The following RAB38 variants were observed in gnomAD, a reference collection of about 807,000 sequenced individuals.
The protein encoded by RAB38 is ras-related protein Rab-38.
Under a neutral mutation model 18.4 loss-of-function variants are expected in RAB38, and 15 were observed. That is an observed-to-expected ratio of 0.82 (90% confidence interval 0.55 to 1.26). The LOEUF is 1.26. Among genes scored for constraint, RAB38 ranks in the 50% most tolerant of loss-of-function variants. RAB38 has a pLI of 0.00. For missense variants in RAB38, 294 were observed against 267.4 expected, an observed-to-expected ratio of 1.10 and a Z score of -0.69; for synonymous variants, 101 against 104.4, an observed-to-expected ratio of 0.97 and a Z score of 0.20.
At chr11:88,090,183 T>C in the RAB38 span, among the ~76,000 whole-genome samples, 8 of 152,116 alleles carry the variant, frequency 5.3e-5, no homozygotes, top group African/African-American at 1.9e-4. Flanking sequence ...AAAATAGCGT[T>C]ATAATTAATA....
At chr11:88,021,561 A>ATAAT in the RAB38 span, among the ~76,000 whole-genome samples, 2 of 141,402 alleles carry the variant, frequency 1.4e-5, no homozygotes, top group African/African-American at 2.7e-5. Flanking sequence ...ATAGAGAAAG[A>ATAAT]TAATTTATTT....
chr11:87,896,252 A>G, the RAB38 span, among the ~76,000 whole-genome samples: 4 of 151,674 alleles, frequency 2.6e-5, no homozygotes, highest in African/African-American at 9.7e-5. Flanking sequence ...ATACATTTAG[A>G]AGGAGACCAT....
At chr11:87,976,672 G>GATATATGAATATATAATTTTATATA in the RAB38 span, among the ~76,000 whole-genome samples, 9,933 of 72,620 alleles carry the variant, frequency 0.14, 603 homozygotes, top group Admixed American at 0.21. Flanking sequence ...AATTTTATAT[G>GATATATGAATATATAATTTTATATA]ATATATATTT....
the RAB38 span, among the ~76,000 whole-genome samples, chr11:87,851,262 C>G: frequency 6.6e-6 from 1 of 152,162 alleles, no homozygotes. Context: ...CTTGTAGACC[C>G]CTTAAAAACA....
At chr11:87,913,860 G>C in the RAB38 span, among the ~76,000 whole-genome samples, 1 of 152,070 alleles carries the variant, frequency 6.6e-6, no homozygotes, top group Non-Finnish European at 1.5e-5. Context: ...GACACTCTGT[G>C]CTACCTCAGG....
chr11:88,017,737 TA>T, the RAB38 span, among the ~76,000 whole-genome samples: 629 of 146,496 alleles, frequency 4.3e-3, 3 homozygotes, highest in African/African-American at 0.015. Context: ...TATATATATA[TA>T]ATATATATTT....
the RAB38 span, among the ~76,000 whole-genome samples, chr11:87,899,141 T>C: frequency 6.6e-6 from 1 of 151,622 alleles, no homozygotes; most frequent in Non-Finnish European, 1.5e-5. Context: ...ACTGTGGATA[T>C]TCAAGTAAAG....
chr11:87,919,698 G>T, the RAB38 span, among the ~76,000 whole-genome samples: 3 of 151,784 alleles, frequency 2.0e-5, no homozygotes, highest in Non-Finnish European at 4.4e-5. Flanking sequence ...TTAAATATTT[G>T]GTAGAATTCA....
the RAB38 span, among the ~76,000 whole-genome samples, chr11:87,948,565 G>A: frequency 3.9e-5 from 6 of 152,076 alleles, no homozygotes; most frequent in South Asian, 2.1e-4. Flanking sequence ...TTTGAGATAC[G>A]TCCCATCAAT....
At chr11:88,137,280 T>C (rs1226166100) in intron 2 of RAB38, among the ~76,000 whole-genome samples, 1 of 152,014 alleles carries the variant, frequency 6.6e-6, no homozygotes, top group Non-Finnish European at 1.5e-5. Context: ...ACCATCAACA[T>C]AAAATAGAAG....
chr11:87,941,240 T>C, the RAB38 span, among the ~76,000 whole-genome samples: 1 of 131,800 alleles, frequency 7.6e-6, no homozygotes, highest in Non-Finnish European at 1.6e-5. Context: ...TATATATATA[T>C]ATATATGTAA....
the RAB38 span, among the ~76,000 whole-genome samples, chr11:88,030,762 G>T: frequency 5.9e-5 from 9 of 152,136 alleles, no homozygotes; most frequent in Admixed American, 2.6e-4. Flanking sequence ...AAAGAGTCCA[G>T]GACAAGATGG....
At chr11:87,806,651 C>T in the RAB38 span, among the ~76,000 whole-genome samples, 11 of 151,832 alleles carry the variant, frequency 7.2e-5, no homozygotes, top group African/African-American at 2.7e-4. Context: ...TATTTGTTTT[C>T]CTTTTTGAAA....
At chr11:87,952,866 ACTAT>A in the RAB38 span, among the ~76,000 whole-genome samples, 468 of 152,284 alleles carry the variant, frequency 3.1e-3, 3 homozygotes, top group African/African-American at 9.6e-3. Flanking sequence ...AAAAAGGAAA[ACTAT>A]CAATCAATCA....
chr11:87,910,297 GT>G, the RAB38 span, among the ~76,000 whole-genome samples: 1 of 152,082 alleles, frequency 6.6e-6, no homozygotes, highest in African/African-American at 2.4e-5. Context: ...TTTTGCCCAT[GT>G]TTTTCATTGG....
downstream of RAB38, among the ~76,000 whole-genome samples, chr11:88,112,083 A>G (rs35694577): frequency 0.015 from 2,289 of 152,342 alleles, 54 homozygotes; most frequent in African/African-American, 0.053. Context: ...GTATTTCCTC[A>G]TATAAGTAGA....
At chr11:87,813,936 T>G in the RAB38 span, among the ~76,000 whole-genome samples, 3 of 152,312 alleles carry the variant, frequency 2.0e-5, no homozygotes, top group Admixed American at 2.0e-4. Context: ...GCTGCATTTG[T>G]GCATGCTTGG....
At position 88,158,680 on chromosome 11, in the gene RAB38, C is replaced by T. The variant is rs552629171; in HGVS notation, c.203-8725G>A. On this transcript the variant is annotated intron_variant, in intron 1 of 2. Transcript: ENST00000243662. ...AAAAACAAAAACCATATGATCACCT[C>T]AATAGACTCAGAAAAAGCTTTTGAT... Among the ~76,000 whole-genome samples the T allele has an allele frequency of 1.0e-3, 155 of 152,188 alleles. 1 individual carries two copies. The highest frequency in any genetic ancestry group is 1.9e-3 in the Non-Finnish European group (128 of 67,964).
chr11:88,010,880 T>C, the RAB38 span, among the ~76,000 whole-genome samples: 1 of 152,154 alleles, frequency 6.6e-6, no homozygotes, highest in African/African-American at 2.4e-5. Flanking sequence ...TTCAGTATCA[T>C]CCCTTCCCAC....
Sources: gnomAD v4.1 joint callset for allele counts (sites outside exome capture counted in the v4.1 genomes callset) on GRCh38, gnomAD v4.1.1 for gene constraint, MANE v1.5 for transcripts, NCBI Gene and HGNC (gene_info 2026-07-23, HGNC 2026-07-21) for gene names.